Variants in AOAH observed in about 807,000 individuals in gnomAD.
AOAH encodes acyloxyacyl hydrolase (neutrophil).
In AOAH, 64 loss-of-function variants were observed where a neutral mutation model predicts 92.2. That is an observed-to-expected ratio of 0.69 (90% confidence interval 0.57 to 0.86). The LOEUF is 0.86. Ranked by LOEUF, AOAH falls within the 40% of genes least tolerant of loss-of-function variation. AOAH has a pLI of 0.00. For missense variants in AOAH, 656 were observed against 694.6 expected, an observed-to-expected ratio of 0.94 and a Z score of 0.62; for synonymous variants, 263 against 254.5, an observed-to-expected ratio of 1.03 and a Z score of -0.32.
chr7:36,681,796 G>C (rs1796661291), intron 2 of AOAH, among the ~76,000 whole-genome samples: 1 of 152,132 alleles, frequency 6.6e-6, no homozygotes, highest in Non-Finnish European at 1.5e-5. Flanking sequence ...GCAAGACTCT[G>C]TCTCCAGAAA....
At chr7:36,556,665 C>T (rs1401377567) in intron 13 of AOAH, among the ~76,000 whole-genome samples, 1 of 142,754 alleles carries the variant, frequency 7.0e-6, no homozygotes, top group Non-Finnish European at 1.5e-5. Context: ...AATCTGGGTG[C>T]TCCTGTATTG....
chr7:36,621,727 T>G lies in AOAH; in HGVS notation c.636A>C (p.Ser212=). The change falls in exon 8 of 21, where the codon TCA becomes TCC. Residue 212 remains serine (S), a synonymous_variant. Transcript: ENST00000617537. ...RGRDCNDSDE[S]VYPGRRPNNW... ...ATAGTTACCTTCTACCTGGGTACAC[T>G]GACTCGTCGCTGTCATTACAGTCTC... The G allele has an allele frequency of 3.7e-6, 6 of 1,614,138 alleles. No individual in the cohort carries two copies. Among genetic ancestry groups the G allele is most frequent in the Non-Finnish European group, 4.2e-6 (5 of 1,179,998 alleles).
At chr7:36,704,945 C>G (rs528343386) in intron 1 of AOAH, among the ~76,000 whole-genome samples, 12 of 152,202 alleles carry the variant, frequency 7.9e-5, no homozygotes, top group Non-Finnish European at 2.9e-5. Flanking sequence ...ATTCAACACC[C>G]CTTCATGCTA....
intron 12 of AOAH, among the ~76,000 whole-genome samples, chr7:36,582,662 G>T (rs921755379): frequency 2.6e-5 from 4 of 152,102 alleles, no homozygotes; most frequent in African/African-American, 7.2e-5. Flanking sequence ...AATTAAACAG[G>T]TTGATTTAAA....
At chr7:36,550,856 G>A (rs11980459) in intron 13 of AOAH, among the ~76,000 whole-genome samples, 4,166 of 152,168 alleles carry the variant, frequency 0.027, 188 homozygotes, top group African/African-American at 0.096. Context: ...CCAGTTCCAC[G>A]TGGGAAAAAG....
rs1792413837 is a variant in AOAH at position 36,623,256 on chromosome 7, A to G, written c.522-6T>C. The stretch of plus-strand genomic sequence containing the variant: ...GCACAGACTGTTCCATAGCTCTAGG[A>G]AAAAGAAAACAAAACAATCGGTGAG... On this transcript the variant is annotated splice_region_variant and splice_polypyrimidine_tract_variant and intron_variant, in intron 6 of 20. Coordinates refer to ENST00000617537, the MANE Select transcript of AOAH (RefSeq NM_001637.4). 3.1e-6 allele frequency: 5 copies of G among 1,613,266 alleles called. No individual in the cohort carries two copies. The highest frequency in any genetic ancestry group is 1.3e-5 in the African/African-American group (1 of 75,024).
chr7:36,659,761 T>C (rs1795100624), intron 3 of AOAH, among the ~76,000 whole-genome samples: 1 of 149,194 alleles, frequency 6.7e-6, no homozygotes, highest in Admixed American at 6.6e-5. Flanking sequence ...CTTTCTTTTT[T>C]TTTTTTTTTT....
In AOAH at chr7:36,691,139, C is replaced by T. The variant is rs377169877; in HGVS notation, c.128-4345G>A. 7.5e-4 allele frequency among the ~76,000 whole-genome samples: 114 copies of T among 152,276 alleles called. 1 individual carries two copies. The South Asian group carries it at 0.018, about 24-fold the overall frequency. The stretch of plus-strand genomic sequence containing the variant: ...CATCACATTGCTAGAGTGTACCTTA[C>T]GGTTTTCAAAATGTTTTTTGCATAT... On this transcript the variant is annotated intron_variant, in intron 1 of 20. Coordinates refer to ENST00000617537, the MANE Select transcript of AOAH (RefSeq NM_001637.4).
At chr7:36,707,867 A>T (rs1798524989) in intron 1 of AOAH, among the ~76,000 whole-genome samples, 1 of 151,458 alleles carries the variant, frequency 6.6e-6, no homozygotes, top group Non-Finnish European at 1.5e-5. Context: ...TTTTTCTTTT[A>T]AACAGACAGG....
intron 11 of AOAH, among the ~76,000 whole-genome samples, chr7:36,610,159 C>CAAAAAAAAAA (rs71553082): frequency 3.7e-3 from 183 of 49,156 alleles, no homozygotes; most frequent in Non-Finnish European, 4.4e-3. Flanking sequence ...TCCATAATAG[C>CAAAAAAAAAA]AAAAAAAAAA....
intron 15 of AOAH, among the ~76,000 whole-genome samples, chr7:36,545,050 CTTT>C (rs566403888): frequency 1.4e-5 from 2 of 146,286 alleles, no homozygotes; most frequent in African/African-American, 2.5e-5. Context: ...GAAGAGAAAT[CTTT>C]TTTTTTTTTT....
intron 4 of AOAH, among the ~76,000 whole-genome samples, chr7:36,652,821 G>A (rs1794664038): frequency 6.6e-6 from 1 of 152,168 alleles, no homozygotes; most frequent in South Asian, 2.1e-4. Context: ...GAAAGATGAA[G>A]ACTCTGTCAC....
At chr7:36,594,269 C>T in intron 12 of AOAH, 70 bp downstream of exon 12, 2 of 1,234,430 alleles carry the variant, frequency 1.6e-6, no homozygotes, top group East Asian at 4.6e-5. Flanking sequence ...ATCTTGGTAG[C>T]AACCCCCATC....
At chr7:36,596,536 G>A (rs1790138275) in intron 11 of AOAH, among the ~76,000 whole-genome samples, 1 of 152,168 alleles carries the variant, frequency 6.6e-6, no homozygotes, top group South Asian at 2.1e-4. Context: ...GTCCTTATAA[G>A]AAGAGGAGGA....
chr7:36,595,094 C>A (rs1161965388), intron 11 of AOAH, among the ~76,000 whole-genome samples: 1 of 152,108 alleles, frequency 6.6e-6, no homozygotes, highest in Non-Finnish European at 1.5e-5. Context: ...GCAAAATCAG[C>A]AAAGAAAAAT....
chr7:36,535,231 C>T (rs532944479), intron 16 of AOAH, among the ~76,000 whole-genome samples: 2 of 151,966 alleles, frequency 1.3e-5, no homozygotes, highest in African/African-American at 4.8e-5. Context: ...CAGTGTTTGC[C>T]ATAAGCTCCT....
intron 13 of AOAH, among the ~76,000 whole-genome samples, chr7:36,569,166 C>T (rs1440766117): frequency 3.3e-5 from 5 of 152,178 alleles, no homozygotes; most frequent in African/African-American, 4.8e-5. Flanking sequence ...GAAAACATGC[C>T]GTTAGGCACT....
chr7:36,617,667 T>C (rs1174605630), intron 10 of AOAH, among the ~76,000 whole-genome samples: 3 of 152,368 alleles, frequency 2.0e-5, no homozygotes, highest in African/African-American at 7.2e-5. Flanking sequence ...ACAGTGATGT[T>C]ACCATCAAGT....
chr7:36,716,063 T>C (rs1457127908), intron 1 of AOAH, among the ~76,000 whole-genome samples: 3 of 152,126 alleles, frequency 2.0e-5, no homozygotes, highest in African/African-American at 4.8e-5. Context: ...AGAAAATTTT[T>C]GCAACCTACT....
Sources: allele counts gnomAD v4.1 joint callset (sites outside exome capture counted in the v4.1 genomes callset), GRCh38; gene constraint gnomAD v4.1.1; transcripts MANE v1.5; gene names NCBI Gene and HGNC (gene_info 2026-07-23, HGNC 2026-07-21).